C10orf90: variants seen among roughly 807,000 people sequenced by gnomAD.
C10orf90 encodes the protein chromosome 10 open reading frame 90.
C10orf90 carries 56 observed loss-of-function variants against 62.5 expected under a neutral mutation model. The ratio of observed to expected loss-of-function variants is 0.90; its 90% confidence interval spans 0.72 to 1.12. The LOEUF (loss-of-function observed/expected upper bound fraction) is 1.12. C10orf90 is among the 50% of genes most tolerant of loss of function. The pLI, the probability that C10orf90 is intolerant of heterozygous loss-of-function variation, is 0.00. For missense variants in C10orf90, 970 were observed against 880.4 expected (o/e 1.10, Z -1.29); for synonymous variants, 386 against 340.4 (o/e 1.13, Z -1.47).
At chr10:126,642,541 A>T (rs73370852) in intron 2 of C10orf90, among the ~76,000 whole-genome samples, 1,941 of 152,112 alleles carry the variant, frequency 0.013, 55 homozygotes, top group African/African-American at 0.044. Context: ...CAAAAAAAAA[A>T]TACAAAACCC....
At chr10:126,660,597 A>G (rs932034537) in intron 1 of C10orf90, among the ~76,000 whole-genome samples, 5 of 152,374 alleles carry the variant, frequency 3.3e-5, no homozygotes, top group African/African-American at 7.2e-5. Flanking sequence ...CAGAGATCAC[A>G]GTCTCAGGTG....
intron 7 of C10orf90, among the ~76,000 whole-genome samples, chr10:126,444,210 T>A (rs1858589563): frequency 1.3e-5 from 2 of 152,040 alleles, no homozygotes; most frequent in Non-Finnish European, 2.9e-5. Context: ...GACATCCAAA[T>A]CAGTAAACAG....
intron 2 of C10orf90, among the ~76,000 whole-genome samples, chr10:126,622,303 A>G (rs919130284): frequency 7.2e-5 from 11 of 152,032 alleles, no homozygotes; most frequent in Admixed American, 5.2e-4. Context: ...AAGACTTAGA[A>G]AGGAGACTCA....
chr10:126,561,241 C>T (rs968186289), intron 2 of C10orf90, among the ~76,000 whole-genome samples: 9 of 152,172 alleles, frequency 5.9e-5, no homozygotes, highest in African/African-American at 2.2e-4. Flanking sequence ...TCATAACCTG[C>T]CGCTGTTTCC....
chr10:126,576,571 A>G (rs1844614956), intron 2 of C10orf90, among the ~76,000 whole-genome samples: 1 of 151,630 alleles, frequency 6.6e-6, no homozygotes, highest in Non-Finnish European at 1.5e-5. Context: ...ACTACTGGGC[A>G]TTTATCCAAA....
At chr10:126,525,857 T>C (rs1046078979) in intron 2 of C10orf90, among the ~76,000 whole-genome samples, 1 of 152,180 alleles carries the variant, frequency 6.6e-6, no homozygotes, top group Non-Finnish European at 1.5e-5. Flanking sequence ...TTGTTTTTGC[T>C]GTTGTTGTTG....
intron 1 of C10orf90, among the ~76,000 whole-genome samples, chr10:126,659,034 C>T (rs1222140624): frequency 2.0e-5 from 3 of 152,198 alleles, no homozygotes; most frequent in Non-Finnish European, 2.9e-5. Context: ...GTATATCTGA[C>T]AGCCAGCACA....
At chr10:126,532,972 G>T (rs867459728) in intron 2 of C10orf90, among the ~76,000 whole-genome samples, 1 of 149,080 alleles carries the variant, frequency 6.7e-6, no homozygotes, top group South Asian at 2.2e-4. Flanking sequence ...TCGCTCTGTC[G>T]CCCAGGCTGG....
chr10:126,442,216 T>G (rs1858380359), intron 7 of C10orf90, among the ~76,000 whole-genome samples: 1 of 151,598 alleles, frequency 6.6e-6, no homozygotes. Context: ...GAAAAAGGCA[T>G]TTCATGCAAA....
intron 2 of C10orf90, among the ~76,000 whole-genome samples, chr10:126,546,525 C>G (rs1484430672): frequency 6.6e-6 from 1 of 152,134 alleles, no homozygotes; most frequent in Non-Finnish European, 1.5e-5. Context: ...GGACCACCTC[C>G]AGGGTAGTTC....
chr10:126,470,111 A>G (rs1363906817), intron 4 of C10orf90: 1 of 442,962 alleles, frequency 2.3e-6, no homozygotes, highest in Non-Finnish European at 4.6e-6. Context: ...ACTCTTCTGC[A>G]TGTTGTGTCC....
chr10:126,635,015 G>A (rs905046547), intron 2 of C10orf90, among the ~76,000 whole-genome samples: 1 of 152,180 alleles, frequency 6.6e-6, no homozygotes, highest in Non-Finnish European at 1.5e-5. Context: ...AGCTGTCCAA[G>A]AACAAGGCCT....
chr10:126,623,100 G>A (rs955445893), intron 2 of C10orf90, among the ~76,000 whole-genome samples: 1 of 152,108 alleles, frequency 6.6e-6, no homozygotes, highest in Non-Finnish European at 1.5e-5. Flanking sequence ...AAGAACTGTC[G>A]GATGAGCTCA....
intron 7 of C10orf90, among the ~76,000 whole-genome samples, chr10:126,432,690 G>A (rs1857660166): frequency 6.6e-6 from 1 of 152,234 alleles, no homozygotes; most frequent in Non-Finnish European, 1.5e-5. Flanking sequence ...GCTGTGCGGG[G>A]AGGGAGGGTG....
At chr10:126,524,744 C>T (rs991634887) in intron 2 of C10orf90, 3 of 985,456 alleles carry the variant, frequency 3.0e-6, no homozygotes, top group Non-Finnish European at 3.6e-6. Context: ...CCTGTATGGC[C>T]CCTAGGGTGC....
chr10:126,565,412 T>TATA (rs1844356988), intron 2 of C10orf90, among the ~76,000 whole-genome samples: 2 of 13,862 alleles, frequency 1.4e-4, no homozygotes, highest in Non-Finnish European at 3.9e-4. Flanking sequence ...ATATATAATA[T>TATA]ATATTATATA....
intron 2 of C10orf90, among the ~76,000 whole-genome samples, chr10:126,542,409 A>G (rs1564864378): frequency 6.6e-6 from 1 of 152,144 alleles, no homozygotes; most frequent in Non-Finnish European, 1.5e-5. Flanking sequence ...ATGCTGAGGC[A>G]GGAGAATTGC....
intron 2 of C10orf90, among the ~76,000 whole-genome samples, chr10:126,623,318 A>G (rs997423282): frequency 2.0e-5 from 3 of 152,060 alleles, no homozygotes; most frequent in African/African-American, 4.8e-5. Flanking sequence ...AACCCTCCAT[A>G]CATGTCCAGG....
intron 2 of C10orf90, among the ~76,000 whole-genome samples, chr10:126,566,563 A>AAGCC (rs1473408190): frequency 4.6e-5 from 7 of 152,300 alleles, no homozygotes; most frequent in Admixed American, 1.3e-4. Flanking sequence ...AGAAGGAAGG[A>AAGCC]AGCCACCGGC....
Sources: allele counts gnomAD v4.1 joint callset (sites outside exome capture counted in the v4.1 genomes callset), GRCh38; gene constraint gnomAD v4.1.1; transcripts MANE v1.5; gene names NCBI Gene and HGNC (gene_info 2026-07-23, HGNC 2026-07-21).